Variants in CNTN4 observed in about 807,000 individuals in gnomAD.
CNTN4 encodes contactin 4.
Under a neutral mutation model 122.5 loss-of-function variants are expected in CNTN4, and 77 were observed. The observed-to-expected ratio is 0.63, with a 90% CI of 0.52 to 0.76. The LOEUF (loss-of-function observed/expected upper bound fraction) is 0.76, where lower values mean the gene tolerates loss of function less well. Among genes scored for constraint, CNTN4 ranks in the 30% least tolerant of loss-of-function variants. CNTN4 has a pLI of 0.00. For missense variants in CNTN4, 1,256 were observed against 1,259.1 expected, an observed-to-expected ratio of 1.00 and a Z score of 0.04; for synonymous variants, 512 against 447.0, an observed-to-expected ratio of 1.15 and a Z score of -1.83.
chr3:2,400,449 A>ATATATATATATC (rs2046815485), intron 3 of CNTN4, among the ~76,000 whole-genome samples: 1 of 124,308 alleles, frequency 8.0e-6, no homozygotes, highest in African/African-American at 2.9e-5. Context: ...ATATATATAT[A>ATATATATATATC]TCTCTTTTTT....
chr3:2,893,361 G>A (rs2094066848), intron 10 of CNTN4, among the ~76,000 whole-genome samples: 2 of 152,180 alleles, frequency 1.3e-5, no homozygotes, highest in South Asian at 2.1e-4. Flanking sequence ...ATAATATTCA[G>A]CCCTGCAAAG....
chr3:2,691,438 T>G lies in CNTN4; in HGVS notation c.56-44777T>G, dbSNP rs142899772. Among the ~76,000 whole-genome samples the G allele has an allele frequency of 2.1e-3, 321 of 152,202 alleles. 1 individual carries two copies. The highest frequency in any genetic ancestry group is 7.5e-3 in the African/African-American group (312 of 41,542). ...TAGAGGGAAAGAAGAGGAAAAAGAT[T>G]CAGTTTTACTCCCAATGTGGAATAA... On this transcript the variant is annotated intron_variant, in intron 4 of 24. Transcript: ENST00000418658.
intron 2 of CNTN4, among the ~76,000 whole-genome samples, chr3:2,297,023 A>G (rs964277749): frequency 1.3e-5 from 2 of 152,184 alleles, no homozygotes; most frequent in Non-Finnish European, 1.5e-5. Flanking sequence ...CAGGCCTTTG[A>G]TCATAGGCAT....
intron 6 of CNTN4, among the ~76,000 whole-genome samples, chr3:2,803,870 A>C (rs1266450560): frequency 6.6e-6 from 1 of 152,018 alleles, no homozygotes; most frequent in Non-Finnish European, 1.5e-5. Context: ...AGTAATTCTT[A>C]TGAAGAACCG....
chr3:2,133,961 T>C (rs946545339), intron 2 of CNTN4, among the ~76,000 whole-genome samples: 1 of 152,230 alleles, frequency 6.6e-6, no homozygotes, highest in Non-Finnish European at 1.5e-5. Context: ...TTCTCTTGTT[T>C]GACTTATTTC....
At chr3:2,390,505 C>T (rs2046405370) in intron 3 of CNTN4, among the ~76,000 whole-genome samples, 1 of 152,020 alleles carries the variant, frequency 6.6e-6, no homozygotes, top group African/African-American at 2.4e-5. Flanking sequence ...CATGATATAG[C>T]ATTAATGTTT....
At chr3:2,792,970 C>T (rs187139955) in intron 6 of CNTN4, among the ~76,000 whole-genome samples, 94 of 152,306 alleles carry the variant, frequency 6.2e-4, no homozygotes, top group African/African-American at 2.2e-3. Flanking sequence ...ATCTCTGTCA[C>T]ACCACCCATG....
chr3:2,283,267 C>G (rs1379947537), intron 2 of CNTN4, among the ~76,000 whole-genome samples: 1 of 152,062 alleles, frequency 6.6e-6, no homozygotes, highest in Non-Finnish European at 1.5e-5. Flanking sequence ...TTGTAAGTCT[C>G]AATTTCAGGG....
intron 2 of CNTN4, among the ~76,000 whole-genome samples, chr3:2,104,229 CGTGTGT>C (rs142907603): frequency 4.4e-5 from 6 of 135,586 alleles, no homozygotes; most frequent in East Asian, 2.0e-4. Flanking sequence ...TTTATGTCTA[CGTGTGT>C]GTGTGTGTGT....
rs757475566 is a variant in CNTN4, at chr3:3,026,203, G to T, written c.1588G>T (p.Val530Leu). ...AACGCATGATCACTCGCTAGACATCGTGTTTACTTGGTCATTTAATGGACA... is the reference window on the plus strand; with the variant it reads ...AACGCATGATCACTCGCTAGACATCTTGTTTACTTGGTCATTTAATGGACA... ...QVTHDHSLDI[V>L]FTWSFNGHLI... The change falls in exon 15 of 25, where the codon GTG becomes TTG. Residue 530 changes from valine (V) to leucine (L), a missense_variant. Coordinates refer to ENST00000418658, the MANE Select transcript of CNTN4 (RefSeq NM_175607.3). 6.2e-7 allele frequency: 1 copy of T among 1,613,472 alleles called. No homozygotes were observed. The highest frequency in any genetic ancestry group is 1.3e-5 in the African/African-American group (1 of 75,002).
At chr3:2,286,545 A>G (rs564128761) in intron 2 of CNTN4, among the ~76,000 whole-genome samples, 71 of 152,226 alleles carry the variant, frequency 4.7e-4, no homozygotes, top group African/African-American at 1.7e-3. Flanking sequence ...GTTTCTAAAT[A>G]TGTTAAGTGG....
chr3:2,555,758 C>T (rs1229258824), intron 3 of CNTN4, among the ~76,000 whole-genome samples: 1 of 152,122 alleles, frequency 6.6e-6, no homozygotes, highest in African/African-American at 2.4e-5. Flanking sequence ...TTGGATTAAG[C>T]AGGTTTTTAC....
chr3:2,326,395 C>T (rs1271034291), intron 2 of CNTN4, among the ~76,000 whole-genome samples: 2 of 151,978 alleles, frequency 1.3e-5, no homozygotes, highest in Non-Finnish European at 2.9e-5. Flanking sequence ...ACTGTCAGCT[C>T]TCCTGGGCCT....
intron 6 of CNTN4, among the ~76,000 whole-genome samples, chr3:2,767,026 C>G (rs1464144493): frequency 3.3e-5 from 5 of 151,802 alleles, no homozygotes; most frequent in African/African-American, 4.8e-5. Flanking sequence ...CACTAGGATG[C>G]AATACTAGAA....
chr3:2,557,697 C>T (rs1393374417), intron 3 of CNTN4, among the ~76,000 whole-genome samples: 1 of 150,602 alleles, frequency 6.6e-6, no homozygotes, highest in African/African-American at 2.5e-5. Context: ...CCACTGCACT[C>T]CAGCCTGGGC....
At chr3:2,128,166 AT>A (rs1412125978) in intron 2 of CNTN4, among the ~76,000 whole-genome samples, 1 of 152,130 alleles carries the variant, frequency 6.6e-6, no homozygotes, top group African/African-American at 2.4e-5. Flanking sequence ...TTTGTGGCTT[AT>A]TTTTAACCGT....
chr3:2,373,530 G>A (rs1225959137), intron 3 of CNTN4, among the ~76,000 whole-genome samples: 2 of 152,154 alleles, frequency 1.3e-5, no homozygotes, highest in South Asian at 2.1e-4. Flanking sequence ...TTGATGTTGC[G>A]AAGCAAGCTG....
At chr3:2,309,569 T>A (rs374476652) in intron 2 of CNTN4, among the ~76,000 whole-genome samples, 3 of 152,224 alleles carry the variant, frequency 2.0e-5, no homozygotes, top group South Asian at 2.1e-4. Context: ...ATCCCTGCAG[T>A]CCAGGCCTTC....
At chr3:2,488,252 C>T (rs955317728) in intron 3 of CNTN4, among the ~76,000 whole-genome samples, 2 of 152,200 alleles carry the variant, frequency 1.3e-5, no homozygotes, top group African/African-American at 2.4e-5. Flanking sequence ...CCTCAAATAA[C>T]ATCCTTTTGC....
Sources: allele counts gnomAD v4.1 joint callset (sites outside exome capture counted in the v4.1 genomes callset), GRCh38; gene constraint gnomAD v4.1.1; transcripts MANE v1.5; gene names NCBI Gene and HGNC (gene_info 2026-07-23, HGNC 2026-07-21).